Variants in MYO15B observed in about 807,000 individuals in gnomAD.
The protein encoded by MYO15B is myosin XVB pseudogene.
Under a neutral mutation model 119.3 loss-of-function variants are expected in MYO15B, and 207 were observed. The ratio of observed to expected loss-of-function variants is 1.73; its 90% CI spans 1.55 to 1.95. The LOEUF is 1.95. Among genes scored for constraint, MYO15B ranks in the 30% most tolerant of loss-of-function variants. MYO15B has a pLI of 0.00. For synonymous variants in MYO15B, 966 were observed against 498.9 expected (o/e 1.94, Z -12.48); for missense variants, 2,264 against 1,203.1 (o/e 1.88, Z -13.04).
At chr17:75,602,705 C>T in intron 16 of MYO15B, 111 bp downstream of exon 16, 1 of 607,712 alleles carries the variant, frequency 1.6e-6, no homozygotes, top group Admixed American at 2.9e-5. Flanking sequence ...TCCCTGGCAC[C>T]TTGGGCCATG....
exon 1 of MYO15B, chr17:75,588,744 C>T (rs62089221): frequency 0.089 from 35,525 of 398,818 alleles, 1,748 homozygotes; most frequent in Middle Eastern, 0.15. Flanking sequence ...GGACGGGGCC[C>T]CTGGGAGCCA....
exon 46 of MYO15B, chr17:75,619,748 CCCAAGGCCCCGGCCT>C: frequency 1.4e-6 from 1 of 702,916 alleles, no homozygotes; most frequent in Non-Finnish European, 2.6e-6. Context: ...CTCAAGGTGA[CCCAAGGCCCCGGCCT>C]CCGCCCCGAC....
At chr17:75,622,388 G>A (rs2058759273) in intron 53 of MYO15B, among the ~76,000 whole-genome samples, 1 of 152,206 alleles carries the variant, frequency 6.6e-6, no homozygotes, top group Non-Finnish European at 1.5e-5. Context: ...AGCACGGGGT[G>A]ACAGAGAAGG....
At position 75,608,300 on chromosome 17, in the gene MYO15B, G is replaced by T. The variant is rs565096333; in HGVS notation, c.4293-1866G>T. Among the ~76,000 whole-genome samples, 10 of 151,926 alleles carry T rather than the reference G, an allele frequency of 6.6e-5. No homozygotes were observed. In the East Asian group the frequency reaches 1.8e-3, roughly 27 times the overall value. On this transcript the variant is annotated intron_variant, in intron 21 of 63. Coordinates refer to ENST00000645453, the Ensembl canonical transcript of MYO15B. ...TGCCCAGTTAATTTTTGTGTTTTTA[G>T]TGGAGATGGGGTTTTACTATGTTGG...
chr17:75,603,101 C>T (rs2057389244), intron 18 of MYO15B, 24 bp downstream of exon 18: 2 of 703,284 alleles, frequency 2.8e-6, no homozygotes, highest in East Asian at 2.7e-5. Flanking sequence ...CAACTGGCCT[C>T]AGGGCCCTCC....
chr17:75,588,933 G>A, exon 1 of MYO15B: 1 of 398,312 alleles, frequency 2.5e-6, no homozygotes, highest in Non-Finnish European at 4.4e-6. Flanking sequence ...CAGAAACAAT[G>A]CAGGCCTCGA....
chr17:75,610,466 C>T (rs2057953196), intron 22 of MYO15B, among the ~76,000 whole-genome samples: 1 of 152,216 alleles, frequency 6.6e-6, no homozygotes, highest in Non-Finnish European at 1.5e-5. Flanking sequence ...CCATCCCTGC[C>T]TACTCTCCCC....
rs542215163 is a variant in MYO15B at position 75,626,833 on chromosome 17, A to G, written c.*349A>G. On this transcript the variant is annotated 3_prime_UTR_variant, in exon 64 of 64. Transcript: ENST00000645453. ...GGGAGAAACAGCTGCTGAGGAAATA[A>G]AACTCCCTGGAGAAAAGGGCTGTGT... 6.0e-4 allele frequency: 259 copies of G among 430,314 alleles called. 2 individuals are homozygous for G. In the South Asian group the frequency reaches 6.3e-3, roughly 11 times the overall value. 26.7% of individuals were successfully genotyped at this position (430,314 alleles called of 1,614,324 possible).
chr17:75,604,853 A>G (rs997468820), intron 19 of MYO15B, among the ~76,000 whole-genome samples: 2 of 152,116 alleles, frequency 1.3e-5, no homozygotes, highest in Non-Finnish European at 2.9e-5. Flanking sequence ...GCAAGTGTGA[A>G]AGGGCTTGGG....
At chr17:75,593,523 T>C (rs1598712546) in intron 9 of MYO15B, among the ~76,000 whole-genome samples, 1 of 151,730 alleles carries the variant, frequency 6.6e-6, no homozygotes, top group African/African-American at 2.4e-5. Flanking sequence ...GGCAGGAGAA[T>C]TGCTTGAACC....
rs1451023192 is a variant in MYO15B, at chr17:75,611,882, C to T, written c.4505-4C>T. 1 of 702,914 alleles carries T rather than the reference C, an allele frequency of 1.4e-6. No homozygotes were observed. Among genetic ancestry groups the T allele is most frequent in the Non-Finnish European group, 2.6e-6 (1 of 384,992 alleles). 43.5% of individuals were successfully genotyped at this position (702,914 alleles called of 1,614,324 possible). A position where few individuals can be genotyped will look rare whatever the true frequency, so the allele number is the denominator to read the frequency against. ...CTGGGCTGCCTCCCGGTGCTTGTTCCCAGGCCATCGGGACGCCCTGGCTGG... is the reference window on the plus strand; with the variant it reads ...CTGGGCTGCCTCCCGGTGCTTGTTCTCAGGCCATCGGGACGCCCTGGCTGG... On this transcript the variant is annotated splice_region_variant and splice_polypyrimidine_tract_variant and intron_variant, in intron 24 of 63. Transcript: ENST00000645453.
chr17:75,590,955 C>T (rs1054108233), exon 3 of MYO15B: 6 of 560,558 alleles, frequency 1.1e-5, no homozygotes, highest in Admixed American at 3.1e-5. Flanking sequence ...CCGGTCCTTG[C>T]CTCTTTTTTC....
chr17:75,610,170 C>T lies in MYO15B; in HGVS notation c.4297C>T (p.Arg1433Trp), dbSNP rs1269927689. Reference sequence around the variant, plus strand: ...CCGCTCTTTCCCGGCCTCCAGGAAGCGGTACCTCCGGCGGCGGGCAGCTTT... The same window carrying T: ...CCGCTCTTTCCCGGCCTCCAGGAAGTGGTACCTCCGGCGGCGGGCAGCTTT... The change falls in exon 22 of 64, where the codon CGG becomes TGG. Residue 1433 changes from arginine to tryptophan, a missense_variant. Coordinates refer to ENST00000645453, the Ensembl canonical transcript of MYO15B. The T allele has an allele frequency of 1.4e-4, 97 of 698,842 alleles. No homozygotes were observed. In the East Asian group the frequency reaches 2.0e-3, roughly 15 times the overall value. 43.3% of individuals were successfully genotyped at this position (698,842 alleles called of 1,614,324 possible).
chr17:75,589,917 C>CAG lies in MYO15B; in HGVS notation c.1861_1862dup (p.Ser621ArgfsTer57). 2.5e-6 allele frequency: 1 copy of CAG among 398,568 alleles called. No homozygotes were observed. The highest frequency in any genetic ancestry group is 2.1e-5 in the African/African-American group (1 of 48,628). The allele number at this position is 398,568 out of a possible 1,614,324, so 24.7% of individuals were successfully genotyped here. Reference sequence around the variant, plus strand: ...GGCCTTCCCTCGACGAGAGCGGCTCCAGCAGTGAGGCGGAGTTGGAGACCC... The same window carrying CAG: ...GGCCTTCCCTCGACGAGAGCGGCTCCAGAGCAGTGAGGCGGAGTTGGAGACCC... On this transcript the variant is annotated frameshift_variant, in exon 1 of 64. Transcript: ENST00000645453. LOFTEE classifies it high-confidence loss of function. This position sits in a 1 kb window ranked among gnomAD's most constrained non-coding sequence, Gnocchi z 4.2.
exon 45 of MYO15B, chr17:75,619,430 C>T: frequency 1.4e-6 from 1 of 702,728 alleles, no homozygotes; most frequent in Non-Finnish European, 2.6e-6. Context: ...GTGGTGGCCG[C>T]TCGGGACAAC....
At chr17:75,625,625 G>C (rs765860063) in exon 61 of MYO15B, 1 of 703,076 alleles carries the variant, frequency 1.4e-6, no homozygotes, top group South Asian at 1.5e-5. Flanking sequence ...CGGCTGGAAG[G>C]ACACAGCCCC....
intron 19 of MYO15B, among the ~76,000 whole-genome samples, chr17:75,604,363 GTGCT>G (rs1011990155): frequency 6.6e-6 from 1 of 152,058 alleles, no homozygotes; most frequent in African/African-American, 2.4e-5. Context: ...AACCTGCACG[GTGCT>G]TGCTTGGTAC....
At chr17:75,592,373 G>T in intron 7 of MYO15B, 55 bp from the exon 8 acceptor site, 4 of 696,040 alleles carry the variant, frequency 5.7e-6, no homozygotes, top group Non-Finnish European at 1.0e-5. Context: ...CACTGTCGGG[G>T]TGTGGCCTCT....
chr17:75,625,011 T>G, intron 59 of MYO15B, 95 bp downstream of exon 59: 1 of 667,656 alleles, frequency 1.5e-6, no homozygotes. Flanking sequence ...AGGGTGTGGG[T>G]CTGTGGTGGC....
Sources: gnomAD v4.1 joint callset for allele counts (sites outside exome capture counted in the v4.1 genomes callset) on GRCh38, gnomAD v4.1.1 for gene constraint, Gnocchi (gnomAD v3.1) non-coding constraint, MANE v1.5 for transcripts, NCBI Gene and HGNC (gene_info 2026-07-23, HGNC 2026-07-21) for gene names.